ZRANB3: variants seen among roughly 807,000 people sequenced by gnomAD.
The protein encoded by ZRANB3 is zinc finger RANBP2-type containing 3, also known as DNA annealing helicase and endonuclease ZRANB3.
In ZRANB3, 125 loss-of-function variants were observed where a neutral mutation model predicts 133.8. The ratio of observed to expected loss-of-function variants is 0.93; its 90% CI spans 0.81 to 1.08. The LOEUF is 1.08. Among genes scored for constraint, ZRANB3 ranks in the 50% least tolerant of loss-of-function variants. ZRANB3 has a pLI of 0.00. For missense variants in ZRANB3, 1,229 were observed against 1,275.5 expected (o/e 0.96, Z 0.56); for synonymous variants, 387 against 432.7 (o/e 0.89, Z 1.31).
intron 1 of ZRANB3, among the ~76,000 whole-genome samples, chr2:135,526,904 C>T (rs1447904106): frequency 6.6e-6 from 1 of 152,218 alleles, no homozygotes; most frequent in Non-Finnish European, 1.5e-5. Flanking sequence ...TCCTTTCTGT[C>T]AATCCCAGGT....
chr2:135,504,264 G>T lies in ZRANB3; in HGVS notation c.161+65C>A, dbSNP rs1380468865. On this transcript the variant is annotated intron_variant, in intron 2 of 20. Transcript: ENST00000264159. The stretch of plus-strand genomic sequence containing the variant: ...AATACACGAAAAGAAAGTTTGAACA[G>T]AACTTTGTTTTTAATACACTTTCCA... 10 of 1,583,154 alleles carry T rather than the reference G, an allele frequency of 6.3e-6. No homozygotes were observed. In the Admixed American group the frequency reaches 6.7e-5, roughly 11 times the overall value.
chr2:135,227,968 C>A lies in ZRANB3; in HGVS notation c.2002G>T (p.Asp668Tyr), dbSNP rs754793974. 6.4e-7 allele frequency: 1 copy of A among 1,552,056 alleles called. No individual in the cohort carries two copies. Among genetic ancestry groups the A allele is most frequent in the Non-Finnish European group, 8.7e-7 (1 of 1,147,054 alleles). Residue 668 changes from aspartate to tyrosine, a missense_variant, in exon 14 of 21, where the codon GAT becomes TAT. Transcript: ENST00000264159. ...LNHIQDKNEK[D>Y]DSQKDTSKKV... ...TTGGAGGTGTCTTTCTGAGAATCATCCTTCTCGTTTTTATCCTGGATATGG... is the reference window on the plus strand; with the variant it reads ...TTGGAGGTGTCTTTCTGAGAATCATACTTCTCGTTTTTATCCTGGATATGG...
At chr2:135,318,598 A>C (rs1377987538) in intron 6 of ZRANB3, among the ~76,000 whole-genome samples, 1 of 152,152 alleles carries the variant, frequency 6.6e-6, no homozygotes, top group Admixed American at 6.6e-5. Context: ...ATAATAATGG[A>C]AACAGTTCCA....
chr2:135,517,569 C>G (rs1026327742), intron 1 of ZRANB3, among the ~76,000 whole-genome samples: 6 of 152,214 alleles, frequency 3.9e-5, no homozygotes, highest in African/African-American at 1.2e-4. Flanking sequence ...GAGGTCCACT[C>G]AAGACTCTGT....
intron 2 of ZRANB3, among the ~76,000 whole-genome samples, chr2:135,419,962 G>A (rs1009114213): frequency 6.6e-6 from 1 of 150,816 alleles, no homozygotes; most frequent in Non-Finnish European, 1.5e-5. Flanking sequence ...AATAGAATTT[G>A]TTTTGATTTT....
intron 17 of ZRANB3, among the ~76,000 whole-genome samples, chr2:135,211,944 T>C (rs1182012725): frequency 6.6e-6 from 1 of 152,220 alleles, no homozygotes; most frequent in Non-Finnish European, 1.5e-5. Flanking sequence ...TTTTGACAAA[T>C]TTCTTTCCTC....
intron 1 of ZRANB3, among the ~76,000 whole-genome samples, chr2:135,508,007 C>T (rs1480878380): frequency 6.6e-6 from 1 of 152,088 alleles, no homozygotes; most frequent in African/African-American, 2.4e-5. Context: ...AACAAAACGA[C>T]TCCTTTACAT....
intron 2 of ZRANB3, among the ~76,000 whole-genome samples, chr2:135,406,766 C>T (rs967801723): frequency 1.8e-4 from 28 of 152,266 alleles, no homozygotes; most frequent in Non-Finnish European, 2.2e-4. Flanking sequence ...TGACAAAATT[C>T]AACAACCCTT....
intron 8 of ZRANB3, among the ~76,000 whole-genome samples, chr2:135,303,875 T>C (rs1682559874): frequency 1.3e-5 from 2 of 152,206 alleles, no homozygotes; most frequent in African/African-American, 4.8e-5. Context: ...TTATTCTAAA[T>C]TAGTTCATGA....
At chr2:135,376,272 T>C (rs1686425161) in intron 3 of ZRANB3, among the ~76,000 whole-genome samples, 1 of 152,192 alleles carries the variant, frequency 6.6e-6, no homozygotes, top group South Asian at 2.1e-4. Context: ...TTTCAATTAT[T>C]TTAAGCCCCC....
intron 14 of ZRANB3, 73 bp downstream of exon 14, chr2:135,227,739 T>C: frequency 7.1e-7 from 1 of 1,417,938 alleles, no homozygotes; most frequent in Non-Finnish European, 9.7e-7. Flanking sequence ...TAGTAATTAC[T>C]AATCTAATAA....
At chr2:135,316,967 G>GAAAAAA (rs36092486) in intron 6 of ZRANB3, among the ~76,000 whole-genome samples, 47 of 97,970 alleles carry the variant, frequency 4.8e-4, no homozygotes, top group South Asian at 2.4e-3. Flanking sequence ...TCCGTCTCGA[G>GAAAAAA]AAAAAAAAAA....
chr2:135,349,067 T>C (rs1685075200), intron 5 of ZRANB3, among the ~76,000 whole-genome samples: 1 of 152,162 alleles, frequency 6.6e-6, no homozygotes, highest in South Asian at 2.1e-4. Context: ...AAGGTAAAAT[T>C]AAGCATTTTA....
intron 12 of ZRANB3, among the ~76,000 whole-genome samples, chr2:135,237,037 C>T (rs1695319074): frequency 6.6e-6 from 1 of 152,098 alleles, no homozygotes; most frequent in Admixed American, 6.6e-5. Flanking sequence ...TTGCAATCTA[C>T]TCATCTGACA....
In ZRANB3 at chr2:135,215,083, A is replaced by AT. The variant is rs112737227; in HGVS notation, c.2495+2381dup. On this transcript the variant is annotated intron_variant, in intron 17 of 20. Coordinates refer to ENST00000264159, the MANE Select transcript of ZRANB3 (RefSeq NM_032143.4). ...TGGGCGTGAGCCACCATACCTGGCT[A>AT]TTTTTTTGGGGTTTTGTGGAGATAC... Among the ~76,000 whole-genome samples the AT allele has an allele frequency of 3.0e-3, 452 of 150,840 alleles. 3 individuals are homozygous for AT. The highest frequency in any genetic ancestry group is 0.01 in the African/African-American group (421 of 40,992).
chr2:135,208,602 A>C (rs1348631677), intron 18 of ZRANB3, among the ~76,000 whole-genome samples: 1 of 152,222 alleles, frequency 6.6e-6, no homozygotes, highest in African/African-American at 2.4e-5. Flanking sequence ...ATTTAACCTC[A>C]GGTCTCCTGG....
intron 1 of ZRANB3, chr2:135,511,551 G>T (rs958240242): frequency 9.8e-7 from 1 of 1,021,456 alleles, no homozygotes; most frequent in Non-Finnish European, 1.6e-6. Context: ...CTTGCTATCT[G>T]AAGATATCAT....
At chr2:135,420,753 T>G (rs1034399106) in intron 2 of ZRANB3, among the ~76,000 whole-genome samples, 11 of 152,118 alleles carry the variant, frequency 7.2e-5, no homozygotes, top group African/African-American at 2.7e-4. Flanking sequence ...TTTGGAGAGT[T>G]TTCTTGTTTT....
At chr2:135,455,033 C>T (rs1690437790) in intron 2 of ZRANB3, among the ~76,000 whole-genome samples, 1 of 151,976 alleles carries the variant, frequency 6.6e-6, no homozygotes, top group African/African-American at 2.4e-5. Context: ...AACCACAGAA[C>T]AATTATATAC....
Sources: gnomAD v4.1 joint callset for allele counts (sites outside exome capture counted in the v4.1 genomes callset) on GRCh38, gnomAD v4.1.1 for gene constraint, MANE v1.5 for transcripts, NCBI Gene and HGNC (gene_info 2026-07-23, HGNC 2026-07-21) for gene names.